GRIK2: variants seen among roughly 807,000 people sequenced by gnomAD.
GRIK2 encodes the protein glutamate receptor ionotropic, kainate 2.
Under a neutral mutation model 100.3 loss-of-function variants are expected in GRIK2, and 32 were observed. The ratio of observed to expected loss-of-function variants is 0.32; its 90% confidence interval spans 0.24 to 0.43. GRIK2 has a LOEUF of 0.43. Ranked by LOEUF, GRIK2 falls within the 20% of genes least tolerant of loss-of-function variation. The pLI, the probability that GRIK2 is intolerant of heterozygous loss-of-function variation, is 1.00. For synonymous variants in GRIK2, 417 were observed against 389.4 expected, an observed-to-expected ratio of 1.07 and a Z score of -0.83; for missense variants, 843 against 1,114.9, an observed-to-expected ratio of 0.76 and a Z score of 3.47.
chr6:101,874,873 T>C (rs985256107), intron 11 of GRIK2, among the ~76,000 whole-genome samples: 5 of 152,066 alleles, frequency 3.3e-5, no homozygotes, highest in Non-Finnish European at 7.4e-5. Context: ...TGAATGGGAG[T>C]TCACTCATGA....
intron 12 of GRIK2, among the ~76,000 whole-genome samples, chr6:101,896,994 T>C (rs1787492694): frequency 9.9e-6 from 1 of 100,758 alleles, no homozygotes; most frequent in African/African-American, 4.0e-5. Flanking sequence ...TGTCATTGTA[T>C]TTAACACACA....
chr6:101,419,706 T>C (rs1776323116), intron 2 of GRIK2, among the ~76,000 whole-genome samples: 1 of 152,234 alleles, frequency 6.6e-6, no homozygotes, highest in Non-Finnish European at 1.5e-5. Context: ...AAGTAATTTG[T>C]TCCAAATGTC....
chr6:101,989,307 A>G (rs1254001346), intron 14 of GRIK2, among the ~76,000 whole-genome samples: 1 of 151,846 alleles, frequency 6.6e-6, no homozygotes, highest in Non-Finnish European at 1.5e-5. Flanking sequence ...TATCCTTGCA[A>G]ATAGTCCACT....
At chr6:101,746,201 C>G (rs1327795513) in intron 7 of GRIK2, among the ~76,000 whole-genome samples, 2 of 152,172 alleles carry the variant, frequency 1.3e-5, no homozygotes, top group East Asian at 3.8e-4. Context: ...ACTAATCTCT[C>G]TAGCATTTGG....
chr6:101,720,466 AATTTAG>A (rs1168319145), intron 7 of GRIK2, among the ~76,000 whole-genome samples: 7 of 152,038 alleles, frequency 4.6e-5, no homozygotes, highest in Non-Finnish European at 8.8e-5. Context: ...AATTTTGATT[AATTTAG>A]ATTTAAATTA....
At chr6:101,791,906 A>G (rs953311070) in intron 7 of GRIK2, among the ~76,000 whole-genome samples, 114 of 151,968 alleles carry the variant, frequency 7.5e-4, no homozygotes, top group African/African-American at 2.7e-3. Context: ...TTGGGTGCAT[A>G]TATATTTAGG....
intron 16 of GRIK2, among the ~76,000 whole-genome samples, chr6:102,059,387 T>C (rs148234828): frequency 2.6e-4 from 40 of 151,376 alleles, no homozygotes; most frequent in Admixed American, 1.7e-3. Flanking sequence ...ACATGCATTT[T>C]ATAATTATTT....
chr6:101,758,122 C>G (rs557621946), intron 7 of GRIK2, among the ~76,000 whole-genome samples: 1 of 152,208 alleles, frequency 6.6e-6, no homozygotes, highest in South Asian at 2.1e-4. Context: ...ACTTGGGAGG[C>G]TGAGGTGGGA....
intron 10 of GRIK2, among the ~76,000 whole-genome samples, chr6:101,821,610 C>G (rs1032342891): frequency 4.6e-5 from 7 of 151,726 alleles, no homozygotes; most frequent in African/African-American, 1.7e-4. Flanking sequence ...CCTAATATTT[C>G]CTAAAAGGAT....
At chr6:101,531,859 C>T (rs1012310986) in intron 2 of GRIK2, among the ~76,000 whole-genome samples, 1 of 151,800 alleles carries the variant, frequency 6.6e-6, no homozygotes. Context: ...CAAGTGGATA[C>T]CTCATTCTGC....
chr6:101,410,288 G>A (rs1182552770), intron 2 of GRIK2, among the ~76,000 whole-genome samples: 1 of 152,076 alleles, frequency 6.6e-6, no homozygotes. Context: ...TTCAAGGTTT[G>A]CAAACATATA....
intron 2 of GRIK2, among the ~76,000 whole-genome samples, chr6:101,461,430 A>G (rs1771301511): frequency 6.6e-6 from 1 of 152,166 alleles, no homozygotes; most frequent in African/African-American, 2.4e-5. Flanking sequence ...AGGTTGTTCC[A>G]AGGTTCTAGA....
chr6:101,922,605 C>T (rs1011175255), intron 12 of GRIK2, among the ~76,000 whole-genome samples: 3 of 152,098 alleles, frequency 2.0e-5, no homozygotes, highest in Non-Finnish European at 4.4e-5. Flanking sequence ...ATATTTGCCA[C>T]CTGCTGGCAC....
At chr6:102,065,374 G>A (rs559456020) in intron 16 of GRIK2, among the ~76,000 whole-genome samples, 2 of 151,274 alleles carry the variant, frequency 1.3e-5, no homozygotes, top group South Asian at 4.2e-4. Flanking sequence ...TGCTTAAAAT[G>A]GTTTTAAATG....
intron 10 of GRIK2, among the ~76,000 whole-genome samples, chr6:101,842,241 T>G (rs1189379818): frequency 6.6e-6 from 1 of 152,146 alleles, no homozygotes; most frequent in African/African-American, 2.4e-5. Context: ...CCATTCCTCT[T>G]CTTCAGGCCA....
chr6:101,399,457 G>T (rs917777488), intron 2 of GRIK2, 65 bp downstream of exon 2: 4 of 819,544 alleles, frequency 4.9e-6, no homozygotes, highest in Non-Finnish European at 8.8e-6. Flanking sequence ...GTAAACAGGC[G>T]GTTCGCTCTG....
intron 5 of GRIK2, 138 bp from the exon 6 acceptor site, chr6:101,682,415 G>C (rs766138839): frequency 1.7e-6 from 1 of 602,764 alleles, no homozygotes; most frequent in Non-Finnish European, 3.0e-6. Flanking sequence ...AAAAGATTTA[G>C]TTTAACCTAA....
intron 7 of GRIK2, among the ~76,000 whole-genome samples, chr6:101,773,251 C>T (rs1014567765): frequency 4.6e-5 from 7 of 152,130 alleles, no homozygotes; most frequent in East Asian, 3.9e-4. Flanking sequence ...GAGGCCGAGG[C>T]GGGCGGATCA....
At chr6:101,630,150 G>C (rs1355847030) in intron 4 of GRIK2, among the ~76,000 whole-genome samples, 1 of 151,954 alleles carries the variant, frequency 6.6e-6, no homozygotes, top group Non-Finnish European at 1.5e-5. Context: ...TGTCTTTGCT[G>C]TTGTGAATAG....
Sources: gnomAD v4.1 joint callset for allele counts (sites outside exome capture counted in the v4.1 genomes callset) on GRCh38, gnomAD v4.1.1 for gene constraint, MANE v1.5 for transcripts, NCBI Gene and HGNC (gene_info 2026-07-23, HGNC 2026-07-21) for gene names.